The following WDFY3 variants were observed in gnomAD, a reference collection of about 807,000 sequenced individuals.
WDFY3 encodes WD repeat and FYVE domain-containing protein 3.
Under a neutral mutation model 409.6 loss-of-function variants are expected in WDFY3, and 66 were observed. The ratio of observed to expected loss-of-function variants is 0.16; its 90% confidence interval spans 0.13 to 0.20. The LOEUF (loss-of-function observed/expected upper bound fraction) is 0.20, where lower values mean the gene tolerates loss of function less well. Ranked by LOEUF, WDFY3 falls within the 10% of genes least tolerant of loss-of-function variation. The pLI is 1.00. For synonymous variants in WDFY3, 1,521 were observed against 1,537.1 expected (o/e 0.99, Z 0.25); for missense variants, 3,031 against 4,298.1 (o/e 0.71, Z 8.24).
At chr4:84,785,312 A>T (rs755323379) in intron 24 of WDFY3, among the ~76,000 whole-genome samples, 1 of 152,042 alleles carries the variant, frequency 6.6e-6, no homozygotes, top group African/African-American at 2.4e-5. Flanking sequence ...GGGCCTTTGC[A>T]CTTGTATTCC....
chr4:84,696,555 G>T (rs897121916), intron 57 of WDFY3, among the ~76,000 whole-genome samples, 177 bp downstream of exon 57: 1 of 151,990 alleles, frequency 6.6e-6, no homozygotes, highest in Non-Finnish European at 1.5e-5. Context: ...TATAGGGTTT[G>T]GTACTATTCC....
At chr4:84,716,438 CAAA>C (rs549365469) in intron 49 of WDFY3, among the ~76,000 whole-genome samples, 1 of 55,588 alleles carries the variant, frequency 1.8e-5, no homozygotes, top group Admixed American at 2.1e-4. Context: ...GACTCCATCT[CAAA>C]AAAAAAAAAA....
In WDFY3 at chr4:84,801,879, G is replaced by A. The variant is rs1750631864; in HGVS notation, c.2608-15C>T. ...TCCAAAGCATGCTAAAATCAACAAA[G>A]AAATCCACACAGTCAGGTCATTCTT... On this transcript the variant is annotated splice_polypyrimidine_tract_variant and intron_variant, in intron 16 of 67. Transcript: ENST00000295888. 3 of 1,609,832 alleles carry A rather than the reference G, an allele frequency of 1.9e-6. No individual in the cohort carries two copies. The highest frequency in any genetic ancestry group is 1.7e-6 in the Non-Finnish European group (2 of 1,176,480).
chr4:84,955,265 AAAG>A (rs1774098985), intron 1 of WDFY3, among the ~76,000 whole-genome samples: 2 of 152,112 alleles, frequency 1.3e-5, no homozygotes, highest in Middle Eastern at 3.2e-3. Flanking sequence ...GTGACTAAAT[AAAG>A]AAGAACAGTA....
At chr4:84,691,513 C>T in intron 60 of WDFY3, 118 bp downstream of exon 60, 1 of 1,135,652 alleles carries the variant, frequency 8.8e-7, no homozygotes, top group South Asian at 1.7e-5. Flanking sequence ...TTCTTTTGGG[C>T]TTTGGAGGAA....
intron 13 of WDFY3, among the ~76,000 whole-genome samples, chr4:84,814,388 T>C (rs1172135945): frequency 1.3e-5 from 2 of 152,236 alleles, no homozygotes; most frequent in African/African-American, 4.8e-5. Context: ...TGCTATACAG[T>C]GGTCCCCCTT....
At position 84,700,438 on chromosome 4, in the gene WDFY3, A is replaced by C. The variant is rs577350361; in HGVS notation, c.8596+1915T>G. Among the ~76,000 whole-genome samples the C allele has an allele frequency of 2.6e-5, 4 of 152,308 alleles. No individual in the cohort carries two copies. The East Asian group carries it at 7.7e-4, about 29-fold the overall frequency. On this transcript the variant is annotated intron_variant, in intron 56 of 67. Coordinates refer to ENST00000295888, the MANE Select transcript of WDFY3 (RefSeq NM_014991.6). Reference sequence around the variant, plus strand: ...AGGTTGGTCTTGAACACCTGAGCTCAAGTGATCCACCTGCCTTGGCCTCCC... The same window carrying C: ...AGGTTGGTCTTGAACACCTGAGCTCCAGTGATCCACCTGCCTTGGCCTCCC...
At chr4:84,839,300 C>G (rs1757012006) in intron 6 of WDFY3, among the ~76,000 whole-genome samples, 1 of 151,628 alleles carries the variant, frequency 6.6e-6, no homozygotes, top group Non-Finnish European at 1.5e-5. Flanking sequence ...TATTCTAAAC[C>G]AAATTTTGGT....
At chr4:84,892,785 T>TAAA (rs1479153788) in intron 3 of WDFY3, among the ~76,000 whole-genome samples, 2 of 152,298 alleles carry the variant, frequency 1.3e-5, no homozygotes, top group African/African-American at 4.8e-5. Context: ...AGACAGAGAA[T>TAAA]AAAATAAACA....
intron 3 of WDFY3, among the ~76,000 whole-genome samples, chr4:84,891,012 AT>A (rs1291376199): frequency 6.6e-6 from 1 of 152,162 alleles, no homozygotes; most frequent in Non-Finnish European, 1.5e-5. Flanking sequence ...TTTTTCAAAT[AT>A]TTAAAAATAT....
chr4:84,738,904 G>C (rs2149212540), intron 40 of WDFY3, 106 bp downstream of exon 40: 2 of 1,111,150 alleles, frequency 1.8e-6, no homozygotes, highest in South Asian at 1.4e-5. Flanking sequence ...TACTGGGAGA[G>C]TTGCTATCAA....
At chr4:84,836,844 A>T in intron 7 of WDFY3, 85 bp downstream of exon 7, 1 of 1,203,590 alleles carries the variant, frequency 8.3e-7, no homozygotes, top group Non-Finnish European at 1.1e-6. Flanking sequence ...TGAGTTAAAA[A>T]ATGGAATATG....
intron 3 of WDFY3, among the ~76,000 whole-genome samples, chr4:84,882,126 C>T (rs771368921): frequency 5.3e-5 from 8 of 152,116 alleles, no homozygotes; most frequent in Non-Finnish European, 1.0e-4. Context: ...CATATCCGCT[C>T]ATCCCAAATT....
In WDFY3 at chr4:84,724,482, C is replaced by A; in HGVS notation, c.7385G>T (p.Gly2462Val). ...CTCTGGTTCTTGCTGAGCAGCTTCA[C>A]CTTCTGAACTCTCCACAATGGCGTC... Reference protein sequence around the residue: ...VQDAIVESSEGEAAQQEPEHG... With the variant: ...VQDAIVESSEVEAAQQEPEHG... The change falls in exon 46 of 68, where the codon GGT (glycine) becomes GTT (valine). Residue 2462 changes from glycine to valine, a missense_variant. By Grantham distance (109) the Gly-to-Val change is moderately radical. Around this residue, in one of 16 missense-constraint regions of WDFY3, gnomAD observed 127 missense variants for 144.4 expected, o/e 0.88. Coordinates refer to ENST00000295888, the MANE Select transcript of WDFY3 (RefSeq NM_014991.6). The A allele has an allele frequency of 6.2e-7, 1 of 1,614,072 alleles. No individual in the cohort carries two copies. Among genetic ancestry groups the A allele is most frequent in the Non-Finnish European group, 8.5e-7 (1 of 1,179,970 alleles).
At chr4:84,705,331 G>A (rs1196546661) in intron 54 of WDFY3, 63 bp downstream of exon 54, 10 of 1,298,966 alleles carry the variant, frequency 7.7e-6, no homozygotes, top group South Asian at 2.5e-5. Flanking sequence ...ATGTCAGACC[G>A]CTACATAATG....
intron 13 of WDFY3, among the ~76,000 whole-genome samples, chr4:84,815,878 C>T (rs896343489): frequency 6.6e-6 from 1 of 152,058 alleles, no homozygotes; most frequent in Admixed American, 6.6e-5. Flanking sequence ...ACGCAAAAAT[C>T]CTTTCACTTC....
intron 53 of WDFY3, among the ~76,000 whole-genome samples, 197 bp from the exon 54 acceptor site, chr4:84,705,708 T>G (rs554442663): frequency 6.6e-6 from 1 of 152,106 alleles, no homozygotes; most frequent in Admixed American, 6.5e-5. Context: ...CACATGGGAG[T>G]TGGTTAACAG....
At chr4:84,845,596 T>TA (rs1184559612) in intron 5 of WDFY3, among the ~76,000 whole-genome samples, 1 of 152,044 alleles carries the variant, frequency 6.6e-6, no homozygotes, top group East Asian at 1.9e-4. Flanking sequence ...TTAAGCACAA[T>TA]AAAAATAAAT....
rs750764507 is a variant in WDFY3 at position 84,705,442 on chromosome 4, G to A, written c.8287C>T (p.Arg2763Ter). The A allele has an allele frequency of 6.2e-7, 1 of 1,613,964 alleles. No individual in the cohort carries two copies. The highest frequency in any genetic ancestry group is 8.5e-7 in the Non-Finnish European group (1 of 1,179,934). ...TACCGCTTCTTATACTGAGCTAATC[G>A]TTCATCTGTTTGTGCTCCCATTGGC... is the stretch of plus-strand genomic sequence containing the variant. ...AKPMGAQTDE[R>*]LAQYKKRYKD... is the part of the protein sequence containing the mutation. The change falls in exon 54 of 68, where the codon CGA becomes TGA. Residue 2763 changes from arginine (R) to a stop codon, truncating the protein, a stop_gained. Transcript: ENST00000295888. LOFTEE classifies it high-confidence loss of function.
Sources: allele counts gnomAD v4.1 joint callset (sites outside exome capture counted in the v4.1 genomes callset), GRCh38; gene constraint gnomAD v4.1.1; regional missense constraint gnomAD v4.1.1; transcripts MANE v1.5; gene names NCBI Gene and HGNC (gene_info 2026-07-23, HGNC 2026-07-21).